The following UBE2V2 variants were observed in gnomAD, a reference collection of about 807,000 sequenced individuals.
UBE2V2 encodes the protein ubiquitin conjugating enzyme E2 V2.
Under a neutral mutation model 17.2 loss-of-function variants are expected in UBE2V2, and 9 were observed. The observed-to-expected ratio is 0.52, with a 90% CI of 0.32 to 0.91. The LOEUF is 0.91. Ranked by LOEUF, UBE2V2 falls within the 40% of genes least tolerant of loss-of-function variation. The pLI, the probability that UBE2V2 is intolerant of heterozygous loss-of-function variation, is 0.04. For synonymous variants in UBE2V2, 61 were observed against 57.5 expected (o/e 1.06, Z -0.28); for missense variants, 133 against 182.6 (o/e 0.73, Z 1.56).
At chr8:48,012,995 G>A (rs1383297346) in intron 1 of UBE2V2, among the ~76,000 whole-genome samples, 1 of 151,530 alleles carries the variant, frequency 6.6e-6, no homozygotes, top group Non-Finnish European at 1.5e-5. Context: ...ACAGGTGTGT[G>A]CTGTCACACC....
At chr8:48,011,597 G>T (rs1427219628) in intron 1 of UBE2V2, among the ~76,000 whole-genome samples, 1 of 152,048 alleles carries the variant, frequency 6.6e-6, no homozygotes, top group African/African-American at 2.4e-5. Flanking sequence ...ATATACCTTA[G>T]CCCCTTTAAC....
intron 3 of UBE2V2, among the ~76,000 whole-genome samples, chr8:48,059,100 A>C (rs1802543945): frequency 6.6e-6 from 1 of 151,644 alleles, no homozygotes; most frequent in African/African-American, 2.4e-5. Context: ...ATAAATACAA[A>C]TATTATTGTA....
At chr8:48,047,991 T>C (rs1477411939) in intron 2 of UBE2V2, among the ~76,000 whole-genome samples, 2 of 112,662 alleles carry the variant, frequency 1.8e-5, no homozygotes, top group East Asian at 5.3e-4. Flanking sequence ...GAAAAGAGCT[T>C]TGGGTTTTTT....
At chr8:48,010,503 G>C (rs1439611005) in intron 1 of UBE2V2, among the ~76,000 whole-genome samples, 1 of 150,512 alleles carries the variant, frequency 6.6e-6, no homozygotes, top group Non-Finnish European at 1.5e-5. Flanking sequence ...CCGGGCTCAA[G>C]CGATTCTCCT....
At chr8:48,032,011 A>G (rs949110576) in intron 1 of UBE2V2, among the ~76,000 whole-genome samples, 7 of 152,216 alleles carry the variant, frequency 4.6e-5, no homozygotes, top group Non-Finnish European at 1.0e-4. Flanking sequence ...CGAAGTGGAT[A>G]TATGTGTTGT....
At chr8:48,047,061 G>A (rs1005847294) in intron 2 of UBE2V2, among the ~76,000 whole-genome samples, 4 of 151,178 alleles carry the variant, frequency 2.6e-5, no homozygotes, top group Non-Finnish European at 5.9e-5. Context: ...CCTGCCTCAG[G>A]CTCCTGAGTA....
rs562707738 is a variant in UBE2V2 at position 48,059,414 on chromosome 8, C to CT, written c.292-1257dup. 4.3e-3 allele frequency among the ~76,000 whole-genome samples: 617 copies of CT among 143,746 alleles called. 4 individuals carry two copies. Among genetic ancestry groups the CT allele is most frequent in the South Asian group, 0.026 (118 of 4,530 alleles). The allele number at this position is 143,746 out of a possible 152,430, so 94.3% of individuals were successfully genotyped here. On this transcript the variant is annotated intron_variant, in intron 3 of 3. Coordinates refer to ENST00000523111, the MANE Select transcript of UBE2V2 (RefSeq NM_003350.3). ...CTTAAGTATTTTGGTTACCTTCCTG[C>CT]TTTTTTTTTTTGGAGACAGAGTCTC...
intron 3 of UBE2V2, among the ~76,000 whole-genome samples, chr8:48,055,492 C>T (rs1014512329): frequency 5.9e-5 from 9 of 151,928 alleles, no homozygotes; most frequent in Non-Finnish European, 8.8e-5. Context: ...TGAGCCATTG[C>T]GCCTGCTGTT....
chr8:48,040,844 GTTTT>G (rs71225699), intron 1 of UBE2V2, among the ~76,000 whole-genome samples: 5 of 74,102 alleles, frequency 6.7e-5, no homozygotes, highest in Admixed American at 2.2e-4. Context: ...GCCAGGCTGG[GTTTT>G]TTTTTTTTTT....
At chr8:48,039,730 C>CT (rs1264820632) in intron 1 of UBE2V2, among the ~76,000 whole-genome samples, 11 of 151,586 alleles carry the variant, frequency 7.3e-5, no homozygotes, top group African/African-American at 4.8e-5. Context: ...ACTTTTCCTA[C>CT]TTTTTTTTTC....
intron 2 of UBE2V2, among the ~76,000 whole-genome samples, chr8:48,047,952 A>C (rs931453492): frequency 6.7e-6 from 1 of 148,472 alleles, no homozygotes; most frequent in African/African-American, 2.5e-5. Context: ...TTGGGATTAA[A>C]TTTTTTTTTG....
intron 2 of UBE2V2, among the ~76,000 whole-genome samples, chr8:48,048,644 A>G (rs1374106223): frequency 1.3e-5 from 2 of 152,064 alleles, no homozygotes; most frequent in Non-Finnish European, 2.9e-5. Context: ...TTTTTTTCTT[A>G]AAGTATTGAA....
At chr8:48,034,897 G>A in intron 1 of UBE2V2, 1 of 324,392 alleles carries the variant, frequency 3.1e-6, no homozygotes, top group Non-Finnish European at 4.4e-6. Context: ...AGCTGGTGAA[G>A]GGATAGGCTT....
intron 1 of UBE2V2, among the ~76,000 whole-genome samples, chr8:48,030,793 G>A (rs1033892713): frequency 6.6e-6 from 1 of 151,988 alleles, no homozygotes; most frequent in African/African-American, 2.4e-5. Flanking sequence ...AGGCTGAGGT[G>A]GGCGGATCAC....
intron 2 of UBE2V2, among the ~76,000 whole-genome samples, chr8:48,048,662 A>G (rs2091516129): frequency 6.6e-6 from 1 of 152,114 alleles, no homozygotes; most frequent in Non-Finnish European, 1.5e-5. Context: ...GAAATATTTA[A>G]TAACATACAT....
intron 1 of UBE2V2, among the ~76,000 whole-genome samples, chr8:48,036,717 G>A (rs1266253475): frequency 6.6e-6 from 1 of 151,818 alleles, no homozygotes; most frequent in Non-Finnish European, 1.5e-5. Flanking sequence ...TTACAGGCAT[G>A]AGCCACTGCC....
At chr8:48,035,939 C>T (rs2091421612) in intron 1 of UBE2V2, among the ~76,000 whole-genome samples, 1 of 148,330 alleles carries the variant, frequency 6.7e-6, no homozygotes, top group African/African-American at 2.5e-5. Flanking sequence ...CTTTTCTCCC[C>T]TTGCCTTTCT....
At chr8:48,040,844 G>T (rs201208472) in intron 1 of UBE2V2, among the ~76,000 whole-genome samples, 1 of 74,128 alleles carries the variant, frequency 1.3e-5, no homozygotes, top group East Asian at 4.6e-4. Flanking sequence ...GCCAGGCTGG[G>T]TTTTTTTTTT....
chr8:48,035,943 C>A, intron 1 of UBE2V2, among the ~76,000 whole-genome samples: 1 of 147,576 alleles, frequency 6.8e-6, no homozygotes, highest in Non-Finnish European at 1.5e-5. Flanking sequence ...TCTCCCCTTG[C>A]CTTTCTTTTT....
Sources: allele counts gnomAD v4.1 joint callset (sites outside exome capture counted in the v4.1 genomes callset), GRCh38; gene constraint gnomAD v4.1.1; transcripts MANE v1.5; gene names NCBI Gene and HGNC (gene_info 2026-07-23, HGNC 2026-07-21).